The following NKAIN2 variants were observed in gnomAD, a reference collection of about 807,000 sequenced individuals.
NKAIN2 encodes the protein sodium/potassium-transporting ATPase subunit beta-1-interacting protein 2.
Under a neutral mutation model 32.6 loss-of-function variants are expected in NKAIN2, and 14 were observed. The observed-to-expected ratio is 0.43, with a 90% confidence interval of 0.28 to 0.67. The LOEUF is 0.67. Ranked by LOEUF, NKAIN2 falls within the 30% of genes least tolerant of loss-of-function variation. The pLI is 0.17. For synonymous variants in NKAIN2, 80 were observed against 87.2 expected (o/e 0.92, Z 0.46); for missense variants, 198 against 258.3 (o/e 0.77, Z 1.60).
At position 124,722,194 on chromosome 6, in the gene NKAIN2, A is replaced by T. The variant is rs181725348; in HGVS notation, c.474+63808A>T. 1.8e-4 allele frequency among the ~76,000 whole-genome samples: 27 copies of T among 152,346 alleles called. No individual in the cohort carries two copies. In the East Asian group the frequency reaches 4.8e-3, roughly 27 times the overall value. The stretch of plus-strand genomic sequence containing the variant: ...GCTGAATAATGTTCCATTGTATAAC[A>T]GAAATTCTTTATCCATTCATCTGTT... On this transcript the variant is annotated intron_variant, in intron 4 of 6. Coordinates refer to ENST00000368417, the MANE Select transcript of NKAIN2 (RefSeq NM_001040214.3).
intron 1 of NKAIN2, among the ~76,000 whole-genome samples, chr6:124,025,855 A>G (rs760038152): frequency 1.3e-5 from 2 of 152,170 alleles, no homozygotes; most frequent in Non-Finnish European, 2.9e-5. Context: ...GACAACAGAG[A>G]AAAGTACAGA....
chr6:124,795,909 T>C (rs1779976053), intron 5 of NKAIN2, among the ~76,000 whole-genome samples: 1 of 152,190 alleles, frequency 6.6e-6, no homozygotes. Flanking sequence ...GGAGGGACAC[T>C]AACATTTACA....
chr6:124,686,181 T>C (rs781471), intron 4 of NKAIN2, among the ~76,000 whole-genome samples: 99,783 of 152,046 alleles, frequency 0.66, 33,227 homozygotes, highest in African/African-American at 0.75. Context: ...CAGTCCACAA[T>C]ATTGCAGCTT....
chr6:123,890,765 C>T (rs769100227), intron 1 of NKAIN2, among the ~76,000 whole-genome samples: 5 of 152,084 alleles, frequency 3.3e-5, no homozygotes, highest in Non-Finnish European at 4.4e-5. Flanking sequence ...CTATGGAAAG[C>T]AGTTTGGCAG....
chr6:124,394,442 A>T (rs992764515), intron 3 of NKAIN2, among the ~76,000 whole-genome samples: 1 of 150,436 alleles, frequency 6.6e-6, no homozygotes, highest in Non-Finnish European at 1.5e-5. Flanking sequence ...TTTCCAGAAA[A>T]ACAGAATCAA....
chr6:124,812,737 T>C (rs1012546811), intron 5 of NKAIN2, among the ~76,000 whole-genome samples: 4 of 152,124 alleles, frequency 2.6e-5, no homozygotes, highest in Admixed American at 2.0e-4. Context: ...TTTGACCTTT[T>C]TTTTTTCTTT....
At chr6:124,110,170 A>G (rs1487375248) in intron 1 of NKAIN2, among the ~76,000 whole-genome samples, 1 of 151,360 alleles carries the variant, frequency 6.6e-6, no homozygotes, top group Non-Finnish European at 1.5e-5. Context: ...GCACATTGAA[A>G]CAATATTTTA....
chr6:123,909,290 C>A (rs1218183829), intron 1 of NKAIN2, among the ~76,000 whole-genome samples: 2 of 152,060 alleles, frequency 1.3e-5, no homozygotes, highest in East Asian at 3.9e-4. Flanking sequence ...CACTCTTGTC[C>A]CCTCTAATTC....
rs1326607884 is a variant in NKAIN2, at chr6:124,438,536, A to G, written c.273+83189A>G. ...ATACAGAAAAGAAAGAAGAGAAATC[A>G]TTATGAACAAAACAAAAACTCAGGG... is the stretch of plus-strand genomic sequence containing the variant. On this transcript the variant is annotated intron_variant, in intron 3 of 6. Transcript: ENST00000368417. Among the ~76,000 whole-genome samples, 5 of 152,340 alleles carry G rather than the reference A, an allele frequency of 3.3e-5. No individual in the cohort carries two copies. In the East Asian group the frequency reaches 9.7e-4, roughly 29 times the overall value.
intron 4 of NKAIN2, among the ~76,000 whole-genome samples, chr6:124,747,153 C>T (rs1777486457): frequency 6.6e-6 from 1 of 151,762 alleles, no homozygotes; most frequent in Non-Finnish European, 1.5e-5. Flanking sequence ...GTAAGTTTTG[C>T]AGGACACAGT....
intron 1 of NKAIN2, among the ~76,000 whole-genome samples, chr6:124,115,471 A>C (rs1321652681): frequency 6.6e-6 from 1 of 152,154 alleles, no homozygotes; most frequent in African/African-American, 2.4e-5. Context: ...GTTATCAGAC[A>C]GACAATTTCA....
intron 1 of NKAIN2, among the ~76,000 whole-genome samples, chr6:123,821,693 G>C (rs568901927): frequency 3.9e-5 from 6 of 152,112 alleles, no homozygotes; most frequent in African/African-American, 1.4e-4. Context: ...AGGGACAAGC[G>C]GGGGGCCCGA....
chr6:124,266,901 A>G (rs138124132), intron 1 of NKAIN2, among the ~76,000 whole-genome samples: 345 of 152,282 alleles, frequency 2.3e-3, no homozygotes, highest in African/African-American at 7.9e-3. Flanking sequence ...ATGCAAGGGA[A>G]AGGACTACCT....
chr6:124,667,808 AAG>A (rs1214638839), intron 4 of NKAIN2, among the ~76,000 whole-genome samples: 6 of 152,120 alleles, frequency 3.9e-5, no homozygotes, highest in Non-Finnish European at 8.8e-5. Flanking sequence ...TTGAGGGAAA[AAG>A]AATTTAAAAT....
intron 4 of NKAIN2, among the ~76,000 whole-genome samples, chr6:124,706,426 G>C (rs1775067918): frequency 1.3e-5 from 2 of 152,048 alleles, no homozygotes; most frequent in South Asian, 4.1e-4. Context: ...ATTAAAATAA[G>C]CGACATTTCC....
intron 1 of NKAIN2, among the ~76,000 whole-genome samples, chr6:123,973,961 T>C (rs1161303586): frequency 6.6e-6 from 1 of 152,080 alleles, no homozygotes; most frequent in Admixed American, 6.6e-5. Flanking sequence ...GAAAGAAAAA[T>C]ACTCCTCTGG....
intron 3 of NKAIN2, among the ~76,000 whole-genome samples, chr6:124,507,136 A>C (rs1230439753): frequency 2.6e-5 from 4 of 152,226 alleles, no homozygotes; most frequent in Admixed American, 2.0e-4. Context: ...CAGATTACCA[A>C]ATTTCACTTT....
intron 3 of NKAIN2, among the ~76,000 whole-genome samples, chr6:124,465,096 C>G (rs1189102340): frequency 6.6e-6 from 1 of 151,904 alleles, no homozygotes; most frequent in Non-Finnish European, 1.5e-5. Context: ...CCCTTATAAA[C>G]AGAAATACCA....
intron 3 of NKAIN2, among the ~76,000 whole-genome samples, chr6:124,560,991 G>A (rs949697365): frequency 2.0e-5 from 3 of 152,140 alleles, no homozygotes; most frequent in East Asian, 1.9e-4. Context: ...TCTAGACCCA[G>A]AGGTGATAGA....
Sources: allele counts gnomAD v4.1 joint callset (sites outside exome capture counted in the v4.1 genomes callset), GRCh38; gene constraint gnomAD v4.1.1; transcripts MANE v1.5; gene names NCBI Gene and HGNC (gene_info 2026-07-23, HGNC 2026-07-21).